NEBL: variants seen among roughly 807,000 people sequenced by gnomAD.
NEBL encodes the protein LIM and SH3 protein 2.
A neutral mutation model predicts 140.2 loss-of-function variants in NEBL; 122 were observed. That is an observed-to-expected ratio of 0.87 (90% confidence interval 0.75 to 1.01). The LOEUF is 1.01. Among genes scored for constraint, NEBL ranks in the 50% least tolerant of loss-of-function variants. The probability of loss-of-function intolerance (pLI) is 0.00; values close to 1 mark genes in which losing one functional copy is unlikely to be tolerated. For missense variants in NEBL, 1,365 were observed against 1,231.3 expected, an observed-to-expected ratio of 1.11 and a Z score of -1.62; for synonymous variants, 436 against 398.9, an observed-to-expected ratio of 1.09 and a Z score of -1.11.
intron 2 of NEBL, among the ~76,000 whole-genome samples, chr10:21,054,423 A>G (rs1245799910): frequency 6.6e-6 from 1 of 152,170 alleles, no homozygotes; most frequent in Non-Finnish European, 1.5e-5. Flanking sequence ...GTTTGCCCCA[A>G]GCATTTCCGG....
intron 2 of NEBL, among the ~76,000 whole-genome samples, chr10:21,098,279 G>A (rs1288912372): frequency 6.6e-6 from 1 of 152,144 alleles, no homozygotes; most frequent in Non-Finnish European, 1.5e-5. Context: ...GTCACACAGA[G>A]AGTGCAGAAA....
intron 2 of NEBL, among the ~76,000 whole-genome samples, chr10:21,034,254 G>T (rs1316856035): frequency 1.3e-5 from 2 of 149,460 alleles, no homozygotes; most frequent in Non-Finnish European, 3.0e-5. Flanking sequence ...AAAATACTAT[G>T]GTCTATAAAT....
intron 3 of NEBL, among the ~76,000 whole-genome samples, chr10:21,182,462 A>C (rs1380545458): frequency 6.6e-6 from 1 of 152,210 alleles, no homozygotes; most frequent in Non-Finnish European, 1.5e-5. Flanking sequence ...GACAACAGAA[A>C]CAGACCTTAT....
At chr10:20,945,904 T>C (rs966512298) in intron 4 of NEBL, among the ~76,000 whole-genome samples, 3 of 152,232 alleles carry the variant, frequency 2.0e-5, no homozygotes, top group African/African-American at 7.2e-5. Flanking sequence ...TTGTATGCAA[T>C]TAAATAATTC....
intron 1 of NEBL, among the ~76,000 whole-genome samples, chr10:21,275,634 C>T (rs1188824939): frequency 6.9e-6 from 1 of 145,926 alleles, no homozygotes; most frequent in African/African-American, 2.6e-5. Flanking sequence ...ATCACATTAC[C>T]AGCTTTTTTT....
chr10:20,941,548 A>C (rs1335242956), intron 4 of NEBL, among the ~76,000 whole-genome samples: 1 of 150,718 alleles, frequency 6.6e-6, no homozygotes, highest in Non-Finnish European at 1.5e-5. Context: ...CTCTCTCATC[A>C]CTCCTATTCA....
At chr10:20,796,239 C>T (rs12359172) in intron 26 of NEBL, among the ~76,000 whole-genome samples, 13,045 of 151,486 alleles carry the variant, frequency 0.086, 631 homozygotes, top group African/African-American at 0.11. Flanking sequence ...GGTGGGCGCC[C>T]GTTATCCCAG....
At chr10:20,971,437 AT>A (rs910210672) in intron 3 of NEBL, among the ~76,000 whole-genome samples, 63 of 150,246 alleles carry the variant, frequency 4.2e-4, no homozygotes, top group African/African-American at 1.1e-3. Context: ...ACAGAATAGA[AT>A]TTTTTTTTCT....
chr10:21,210,008 C>T (rs887892629), intron 3 of NEBL, among the ~76,000 whole-genome samples: 1 of 152,142 alleles, frequency 6.6e-6, no homozygotes, highest in Non-Finnish European at 1.5e-5. Flanking sequence ...GACCCTAAAG[C>T]CCCAATTGCT....
At position 21,169,049 on chromosome 10, in the gene NEBL, C is replaced by CAAAAAA. The variant is rs147147865; in HGVS notation, c.164+3328_164+3333dup. ...GCGCTACAGAGTGAGACTCCGTCTA[C>CAAAAAA]AAAAAAAAAAAAAAAAAAATATATA... On this transcript the variant is annotated intron_variant, in intron 2 of 6. Transcript: ENST00000417816. Among the ~76,000 whole-genome samples, 15 of 25,524 alleles carry CAAAAAA rather than the reference C, an allele frequency of 5.9e-4. 1 individual carries two copies. Among genetic ancestry groups the CAAAAAA allele is most frequent in the Admixed American group, 1.6e-3 (2 of 1,286 alleles). The allele number at this position is 25,524 out of a possible 152,430, so 16.7% of individuals were successfully genotyped here.
At chr10:21,250,486 A>T (rs1395018937) in intron 2 of NEBL, among the ~76,000 whole-genome samples, 2 of 152,166 alleles carry the variant, frequency 1.3e-5, no homozygotes, top group Non-Finnish European at 2.9e-5. Flanking sequence ...CTACTTAATA[A>T]ACCACCCTTT....
intron 2 of NEBL, among the ~76,000 whole-genome samples, chr10:21,109,263 G>T (rs937399465): frequency 2.6e-5 from 4 of 152,156 alleles, no homozygotes; most frequent in Admixed American, 2.0e-4. Context: ...GAATCATGTG[G>T]TTTTTGTCAT....
intron 24 of NEBL, 99 bp downstream of exon 24, chr10:20,812,670 G>A (rs1336352797): frequency 1.4e-6 from 2 of 1,426,770 alleles, no homozygotes; most frequent in East Asian, 2.3e-5. Flanking sequence ...CAACCAACAT[G>A]TGATGAGGAG....
intron 3 of NEBL, among the ~76,000 whole-genome samples, chr10:20,981,092 A>G (rs1837020701): frequency 6.6e-6 from 1 of 152,140 alleles, no homozygotes; most frequent in Non-Finnish European, 1.5e-5. Flanking sequence ...GCCCAGCCCC[A>G]ACAAATTATT....
chr10:21,233,639 CTT>C (rs1842296753), intron 3 of NEBL, among the ~76,000 whole-genome samples: 1 of 142,012 alleles, frequency 7.0e-6, no homozygotes, highest in Non-Finnish European at 1.5e-5. Flanking sequence ...TATAGAGAGA[CTT>C]ATCTATATAT....
intron 3 of NEBL, among the ~76,000 whole-genome samples, chr10:21,014,442 T>C (rs900317707): frequency 4.6e-5 from 7 of 152,146 alleles, no homozygotes; most frequent in African/African-American, 1.7e-4. Flanking sequence ...AAGTTTAAGA[T>C]TGGGCAATCA....
intron 4 of NEBL, among the ~76,000 whole-genome samples, chr10:20,908,666 C>T (rs1429974188): frequency 6.6e-6 from 1 of 152,202 alleles, no homozygotes; most frequent in Non-Finnish European, 1.5e-5. Flanking sequence ...AAAACAATCT[C>T]TGCTCTGCAG....
intron 2 of NEBL, among the ~76,000 whole-genome samples, chr10:21,033,809 C>T (rs1589156869): frequency 6.6e-6 from 1 of 151,728 alleles, no homozygotes; most frequent in East Asian, 1.9e-4. Context: ...TCACTTGGCT[C>T]TTATGATATG....
intron 2 of NEBL, among the ~76,000 whole-genome samples, chr10:21,115,957 A>T (rs750610883): frequency 1.3e-5 from 2 of 151,582 alleles, no homozygotes; most frequent in African/African-American, 2.4e-5. Flanking sequence ...TTCTTTTTTC[A>T]TGTTTCATTT....
Sources: allele counts gnomAD v4.1 joint callset (sites outside exome capture counted in the v4.1 genomes callset), GRCh38; gene constraint gnomAD v4.1.1; transcripts MANE v1.5; gene names NCBI Gene and HGNC (gene_info 2026-07-23, HGNC 2026-07-21).